Variants in NOTCH2NLC observed in about 807,000 individuals in gnomAD.
NOTCH2NLC encodes the protein notch homolog 2 N-terminal-like protein C.
In NOTCH2NLC, 4 loss-of-function variants were observed where a neutral mutation model predicts 17.7. The ratio of observed to expected loss-of-function variants is 0.23; its 90% confidence interval spans 0.11 to 0.52. The LOEUF (loss-of-function observed/expected upper bound fraction) is 0.52, where lower values mean the gene tolerates loss of function less well. Ranked by LOEUF, NOTCH2NLC falls within the 20% of genes least tolerant of loss-of-function variation. NOTCH2NLC has a pLI of 0.96. For synonymous variants in NOTCH2NLC, 18 were observed against 86.0 expected (o/e 0.21, Z 4.38); for missense variants, 57 against 207.2 (o/e 0.28, Z 4.45).
At chr1:149,416,972 C>A (rs1399343590) in intron 1 of NOTCH2NLC, among the ~76,000 whole-genome samples, 2 of 145,970 alleles carry the variant, frequency 1.4e-5, no homozygotes, top group African/African-American at 2.5e-5. Flanking sequence ...AGGTCATTAG[C>A]TGATCTTTCG....
chr1:149,400,164 TCTA>T (rs2084235892), intron 1 of NOTCH2NLC, among the ~76,000 whole-genome samples: 1 of 140,704 alleles, frequency 7.1e-6, no homozygotes, highest in Non-Finnish European at 1.5e-5. Context: ...TATGAACAGA[TCTA>T]CATATATATA....
chr1:149,435,632 G>T (rs1422599852), intron 2 of NOTCH2NLC, among the ~76,000 whole-genome samples: 3 of 135,970 alleles, frequency 2.2e-5, no homozygotes, highest in African/African-American at 8.3e-5. Context: ...AGTCTTTTCA[G>T]CCGTCCAGCT....
At chr1:149,432,192 T>C (rs2084455256) in intron 2 of NOTCH2NLC, among the ~76,000 whole-genome samples, 1 of 143,686 alleles carries the variant, frequency 7.0e-6, no homozygotes, top group Non-Finnish European at 1.5e-5. Flanking sequence ...TTTAAGTGAG[T>C]TTATCCAACA....
At chr1:149,449,608 A>G (rs2084579901) in intron 2 of NOTCH2NLC, among the ~76,000 whole-genome samples, 1 of 151,036 alleles carries the variant, frequency 6.6e-6, no homozygotes, top group South Asian at 2.1e-4. Context: ...GAAATTGTAG[A>G]GAGACAAAGT....
chr1:149,461,253 A>C (rs1332965862), intron 3 of NOTCH2NLC, among the ~76,000 whole-genome samples: 1 of 148,586 alleles, frequency 6.7e-6, no homozygotes, highest in Non-Finnish European at 1.5e-5. Flanking sequence ...TTTCCGTTTC[A>C]GTTGTGGGCA....
chr1:149,461,236 A>G lies in NOTCH2NLC; in HGVS notation c.470-2255A>G, dbSNP rs1322939062. ...AGGCATCAGCCACCACTTCCGGCCCAGGGATCTTTCCGTTTCAGTTGTGGG... is the reference window on the plus strand; with the variant it reads ...AGGCATCAGCCACCACTTCCGGCCCGGGGATCTTTCCGTTTCAGTTGTGGG... On this transcript the variant is annotated intron_variant, in intron 3 of 4. Coordinates refer to ENST00000650865, the MANE Select transcript of NOTCH2NLC (RefSeq NM_001364013.2). Among the ~76,000 whole-genome samples the G allele has an allele frequency of 8.0e-5, 12 of 149,238 alleles. No homozygotes were observed. In the East Asian group the frequency reaches 2.2e-3, roughly 27 times the overall value.
intron 3 of NOTCH2NLC, among the ~76,000 whole-genome samples, chr1:149,461,980 C>T (rs2084652698): frequency 8.7e-6 from 1 of 115,208 alleles, no homozygotes; most frequent in Non-Finnish European, 1.8e-5. Flanking sequence ...CGGGGCCTGT[C>T]GTGGGGTGGT....
At chr1:149,429,996 T>A (rs1424120998) in intron 1 of NOTCH2NLC, among the ~76,000 whole-genome samples, 1 of 151,156 alleles carries the variant, frequency 6.6e-6, no homozygotes, top group Non-Finnish European at 1.5e-5. Context: ...TCTTGATATG[T>A]ATTTTGGTGA....
Position 149,468,818 on chromosome 1 carries a change from G to C in NOTCH2NLC, c.*4665G>C, listed in dbSNP as rs1300794808. Among the ~76,000 whole-genome samples the C allele has an allele frequency of 4.6e-4, 65 of 140,636 alleles. 6 individuals carry two copies. In the Admixed American group the frequency reaches 4.7e-3, roughly 10 times the overall value. The allele number at this position is 140,636 out of a possible 152,430, so 92.3% of individuals were successfully genotyped here. A position where few individuals can be genotyped will look rare whatever the true frequency, so the allele number is the denominator to read the frequency against. ...GCGGGTGATGGAGTGGGAGATACGT[G>C]GCACAGGGGTCAGTGAGTTAATCTG... On this transcript the variant is annotated 3_prime_UTR_variant, in exon 5 of 5. Transcript: ENST00000650865.
At chr1:149,407,385 T>TA (rs2084277618) in intron 1 of NOTCH2NLC, among the ~76,000 whole-genome samples, 1 of 81,984 alleles carries the variant, frequency 1.2e-5, no homozygotes, top group African/African-American at 4.8e-5. Context: ...AAATTGTTTT[T>TA]AAAAAATTGT....
chr1:149,398,053 A>T (rs2084217866), intron 1 of NOTCH2NLC, among the ~76,000 whole-genome samples: 2 of 150,044 alleles, frequency 1.3e-5, no homozygotes, highest in South Asian at 4.2e-4. Context: ...TCATTTATCT[A>T]TGCTCTCTGA....
At position 149,471,334 on chromosome 1, in the gene NOTCH2NLC, A is replaced by T. The variant is rs1216607287; in HGVS notation, c.*7181A>T. On this transcript the variant is annotated 3_prime_UTR_variant, in exon 5 of 5. Transcript: ENST00000650865. ...CCAAATGTTTTTAACTTGATGGAAT[A>T]CAATTTATTTTTTCTTTTGTTGCTT... 6.7e-6 allele frequency among the ~76,000 whole-genome samples: 1 copy of T among 149,698 alleles called. No homozygotes were observed. Among genetic ancestry groups the T allele is most frequent in the Non-Finnish European group, 1.5e-5 (1 of 67,076 alleles).
intron 1 of NOTCH2NLC, among the ~76,000 whole-genome samples, chr1:149,428,682 G>A (rs1318969093): frequency 6.8e-6 from 1 of 148,144 alleles, no homozygotes; most frequent in East Asian, 2.1e-4. Flanking sequence ...GAACCTTTAG[G>A]GACATTTAGT....
Position 149,464,721 on chromosome 1 carries a change from C to T in NOTCH2NLC, c.*568C>T, listed in dbSNP as rs1453840803. 6.7e-6 allele frequency: 1 copy of T among 150,178 alleles called. No homozygotes were observed. The highest frequency in any genetic ancestry group is 1.5e-5 in the Non-Finnish European group (1 of 67,414). The allele number at this position is 150,178 out of a possible 1,614,324, so 9.3% of individuals were successfully genotyped here. A position where few individuals can be genotyped will look rare whatever the true frequency, so the allele number is the denominator to read the frequency against. On this transcript the variant is annotated 3_prime_UTR_variant, in exon 5 of 5. Coordinates refer to ENST00000650865, the MANE Select transcript of NOTCH2NLC (RefSeq NM_001364013.2). The stretch of plus-strand genomic sequence containing the variant: ...CAGCTGAAGCAGATGAATTACTAAG[C>T]AACAAAGATCCTGTTTTTATACAAA...
chr1:149,429,926 A>G (rs2084436488), intron 1 of NOTCH2NLC, among the ~76,000 whole-genome samples: 4 of 150,984 alleles, frequency 2.6e-5, no homozygotes, highest in African/African-American at 9.7e-5. Context: ...CATGAGCTTC[A>G]ATTTGATATT....
chr1:149,445,547 C>T (rs1171786203), intron 2 of NOTCH2NLC, among the ~76,000 whole-genome samples: 14 of 149,252 alleles, frequency 9.4e-5, no homozygotes, highest in South Asian at 2.1e-4. Context: ...TTTACCTTAA[C>T]GACAGCTCCC....
chr1:149,424,333 A>G (rs1372978188), intron 1 of NOTCH2NLC, among the ~76,000 whole-genome samples: 1 of 150,516 alleles, frequency 6.6e-6, no homozygotes, highest in Non-Finnish European at 1.5e-5. Flanking sequence ...TTAAGAGGGT[A>G]TGCCAAGGGT....
In NOTCH2NLC at chr1:149,393,446, C is replaced by T. The variant is rs2084187454; in HGVS notation, c.135+2524C>T. Among the ~76,000 whole-genome samples, 8 of 148,998 alleles carry T rather than the reference C, an allele frequency of 5.4e-5. No homozygotes were observed. In the South Asian group the frequency reaches 1.5e-3, roughly 29 times the overall value. On this transcript the variant is annotated intron_variant, in intron 1 of 4. Coordinates refer to ENST00000650865, the MANE Select transcript of NOTCH2NLC (RefSeq NM_001364013.2). ...TTGCTAAGGTACCAATTACAGCACA[C>T]CCTTCTAAACTTTTGAGTGCTCCTG...
Position 149,464,801 on chromosome 1 carries a change from A to C in NOTCH2NLC, c.*648A>C, listed in dbSNP as rs2084675364. ...AACTGTAGGGGGGAGTAATGTGCTA[A>C]GTAAGCAGAATTGCCTCCAAAAGAA... On this transcript the variant is annotated 3_prime_UTR_variant, in exon 5 of 5. Transcript: ENST00000650865. The C allele has an allele frequency of 6.6e-6, 1 of 151,620 alleles. No individual in the cohort carries two copies. The allele number at this position is 151,620 out of a possible 1,614,324, so 9.4% of individuals were successfully genotyped here. A position where few individuals can be genotyped will look rare whatever the true frequency, so the allele number is the denominator to read the frequency against.
Sources: allele counts gnomAD v4.1 joint callset (sites outside exome capture counted in the v4.1 genomes callset), GRCh38; gene constraint gnomAD v4.1.1; transcripts MANE v1.5; gene names NCBI Gene and HGNC (gene_info 2026-07-23, HGNC 2026-07-21).